MAP3K20: variants seen among roughly 807,000 people sequenced by gnomAD.
MAP3K20 encodes the protein mitogen-activated protein kinase kinase kinase 20.
In MAP3K20, 40 loss-of-function variants were observed where a neutral mutation model predicts 85.7. The ratio of observed to expected loss-of-function variants is 0.47; its 90% CI spans 0.36 to 0.61. The LOEUF (loss-of-function observed/expected upper bound fraction) is 0.61, where lower values mean the gene tolerates loss of function less well. Among genes scored for constraint, MAP3K20 ranks in the 20% least tolerant of loss-of-function variants. The pLI is 0.00. For synonymous variants in MAP3K20, 325 were observed against 327.7 expected, an observed-to-expected ratio of 0.99 and a Z score of 0.09; for missense variants, 817 against 961.7, an observed-to-expected ratio of 0.85 and a Z score of 1.99.
chr2:173,228,268 T>G (rs1684438980), intron 11 of MAP3K20, among the ~76,000 whole-genome samples: 1 of 152,138 alleles, frequency 6.6e-6, no homozygotes, highest in South Asian at 2.1e-4. Flanking sequence ...TTTACCCTTT[T>G]TCCTCCAACA....
At chr2:173,114,718 C>G (rs574493045) in intron 2 of MAP3K20, among the ~76,000 whole-genome samples, 2 of 152,186 alleles carry the variant, frequency 1.3e-5, no homozygotes, top group East Asian at 1.9e-4. Flanking sequence ...TTAAGGAGGC[C>G]GAAGATAGGG....
rs1683822650 is a variant in MAP3K20 at position 173,209,850 on chromosome 2, C to G, written c.851+15C>G. 1 of 1,600,820 alleles carries G rather than the reference C, an allele frequency of 6.2e-7. No homozygotes were observed. Among genetic ancestry groups the G allele is most frequent in the Non-Finnish European group, 8.6e-7 (1 of 1,168,108 alleles). On this transcript the variant is annotated intron_variant, in intron 10 of 19. Transcript: ENST00000375213. ...GCGGAGTGGAGGTGGGTAGCCCCGACAGCAGGCCACAGCGTCTGGCTTTCA... is the reference window on the plus strand; with the variant it reads ...GCGGAGTGGAGGTGGGTAGCCCCGAGAGCAGGCCACAGCGTCTGGCTTTCA...
At chr2:173,157,453 G>A (rs1689512063) in intron 2 of MAP3K20, among the ~76,000 whole-genome samples, 1 of 151,952 alleles carries the variant, frequency 6.6e-6, no homozygotes, top group African/African-American at 2.4e-5. Context: ...GAATCCAAGT[G>A]TTCAAGACAC....
chr2:173,093,416 A>C (rs1559227702), intron 2 of MAP3K20, among the ~76,000 whole-genome samples: 1 of 152,228 alleles, frequency 6.6e-6, no homozygotes, highest in Admixed American at 6.5e-5. Context: ...CTATAAACTT[A>C]GCAAAATGTA....
intron 2 of MAP3K20, among the ~76,000 whole-genome samples, chr2:173,116,426 C>T (rs1264937540): frequency 1.3e-5 from 2 of 152,162 alleles, no homozygotes; most frequent in East Asian, 3.8e-4. Context: ...CCCTGCATTC[C>T]CTAAAGCTGA....
intron 2 of MAP3K20, among the ~76,000 whole-genome samples, chr2:173,109,421 A>G (rs1687878153): frequency 6.6e-6 from 1 of 152,080 alleles, no homozygotes; most frequent in African/African-American, 2.4e-5. Context: ...TGTCACCAGT[A>G]CATGAAACCA....
intron 7 of MAP3K20, among the ~76,000 whole-genome samples, chr2:173,191,688 G>A (rs975077069): frequency 1.3e-5 from 2 of 152,240 alleles, no homozygotes; most frequent in Non-Finnish European, 2.9e-5. Context: ...GCACTTACCA[G>A]ATGACCTTGT....
Position 173,266,046 on chromosome 2 carries a change from G to C in MAP3K20, c.1703-4G>C, listed in dbSNP as rs569415161. ...AAAGATGCTCATTTCCATTTCTCCC[G>C]CAGGTGCTGATTGCCAGTGGTTAGA... On this transcript the variant is annotated splice_polypyrimidine_tract_variant and splice_region_variant and intron_variant, in intron 19 of 19. Transcript: ENST00000375213. 38 of 1,555,988 alleles carry C rather than the reference G, an allele frequency of 2.4e-5. No individual in the cohort carries two copies. Among genetic ancestry groups the C allele is most frequent in the Non-Finnish European group, 3.3e-5 (38 of 1,147,374 alleles).
intron 2 of MAP3K20, among the ~76,000 whole-genome samples, chr2:173,134,424 A>ATTTTTTTTTTTTTTTT (rs1315509260): frequency 4.0e-4 from 2 of 5,036 alleles, no homozygotes; most frequent in African/African-American, 6.0e-4. Flanking sequence ...ATATATATAT[A>ATTTTTTTTTTTTTTTT]TATATTTTTT....
intron 2 of MAP3K20, among the ~76,000 whole-genome samples, chr2:173,159,693 CT>C (rs1480416258): frequency 1.3e-5 from 2 of 152,172 alleles, no homozygotes; most frequent in African/African-American, 4.8e-5. Flanking sequence ...CCTGGCCTTA[CT>C]TTTTCATGTT....
chr2:173,261,652 T>A (rs1685297303), intron 18 of MAP3K20, among the ~76,000 whole-genome samples: 1 of 152,182 alleles, frequency 6.6e-6, no homozygotes, highest in African/African-American at 2.4e-5. Flanking sequence ...TTATTAAGGA[T>A]CTACCATGAA....
At chr2:173,137,510 G>A (rs1192731164) in intron 2 of MAP3K20, among the ~76,000 whole-genome samples, 1 of 151,942 alleles carries the variant, frequency 6.6e-6, no homozygotes, top group Non-Finnish European at 1.5e-5. Context: ...TTCTGGTTGA[G>A]TAATTTTAAA....
chr2:173,152,470 A>G (rs1689336156), intron 2 of MAP3K20, among the ~76,000 whole-genome samples: 1 of 152,124 alleles, frequency 6.6e-6, no homozygotes, highest in African/African-American at 2.4e-5. Context: ...CATGAAATGT[A>G]TTTGTTACAC....
At chr2:173,214,784 T>G (rs1442405167) in intron 10 of MAP3K20, among the ~76,000 whole-genome samples, 2 of 152,252 alleles carry the variant, frequency 1.3e-5, no homozygotes, top group African/African-American at 4.8e-5. Flanking sequence ...ACATTTAAAC[T>G]ATATTTTTAG....
intron 2 of MAP3K20, among the ~76,000 whole-genome samples, chr2:173,101,053 A>T (rs532738927): frequency 7.2e-5 from 11 of 152,184 alleles, no homozygotes; most frequent in Non-Finnish European, 1.5e-4. Flanking sequence ...TGTATTACTG[A>T]TATGTCTGAA....
intron 3 of MAP3K20, 146 bp downstream of exon 3, chr2:173,170,038 AC>A: frequency 1.4e-6 from 1 of 711,800 alleles, no homozygotes; most frequent in South Asian, 1.7e-5. Flanking sequence ...CATTAATAAA[AC>A]TGATTATATC....
At chr2:173,085,176 A>G (rs977183583) in intron 1 of MAP3K20, among the ~76,000 whole-genome samples, 1 of 152,214 alleles carries the variant, frequency 6.6e-6, no homozygotes, top group Non-Finnish European at 1.5e-5. Context: ...ACTCCTATCA[A>G]TCTAATTCTA....
chr2:173,168,196 ACAT>A (rs1364801124), intron 2 of MAP3K20, among the ~76,000 whole-genome samples: 1 of 152,082 alleles, frequency 6.6e-6, no homozygotes, highest in Non-Finnish European at 1.5e-5. Flanking sequence ...CACAAATAAT[ACAT>A]CTTCTTCCTA....
At chr2:173,225,528 A>C in intron 11 of MAP3K20, 1 of 890,354 alleles carries the variant, frequency 1.1e-6, no homozygotes. Flanking sequence ...CGGGAGGCAG[A>C]GGTTGCAGTG....
Sources: gnomAD v4.1 joint callset for allele counts (sites outside exome capture counted in the v4.1 genomes callset) on GRCh38, gnomAD v4.1.1 for gene constraint, MANE v1.5 for transcripts, NCBI Gene and HGNC (gene_info 2026-07-23, HGNC 2026-07-21) for gene names.